MTMR8: variants seen among roughly 807,000 people sequenced by gnomAD.
MTMR8 encodes the protein myotubularin related protein 8, also known as phosphatidylinositol-3,5-bisphosphate 3-phosphatase MTMR8.
MTMR8 carries 65 observed loss-of-function variants against 39.3 expected under a neutral mutation model. That is an observed-to-expected ratio of 1.65 (90% confidence interval 1.35 to 2.03). The LOEUF is 2.03. Ranked by LOEUF, MTMR8 falls within the 30% of genes most tolerant of loss-of-function variation. The pLI is 0.00. For missense variants in MTMR8, 777 were observed against 538.9 expected, an observed-to-expected ratio of 1.44 and a Z score of -4.37; for synonymous variants, 245 against 185.2, an observed-to-expected ratio of 1.32 and a Z score of -2.62.
At chrX:64,337,623 G>A (rs1344957725) in intron 8 of MTMR8, among the ~76,000 whole-genome samples, 1 of 111,648 alleles carries the variant, frequency 9.0e-6, no homozygotes, top group African/African-American at 3.3e-5. Flanking sequence ...AACCCATAAT[G>A]CAGGGCAAAA....
At chrX:64,381,237 C>G (rs1303048330) in intron 1 of MTMR8, among the ~76,000 whole-genome samples, 1 of 111,598 alleles carries the variant, frequency 9.0e-6, no homozygotes, top group Admixed American at 9.5e-5. Context: ...CCTATTTCTC[C>G]ACATCCTCTC....
At chrX:64,279,707 G>A (rs1017093917) in intron 12 of MTMR8, among the ~76,000 whole-genome samples, 2 of 111,632 alleles carry the variant, frequency 1.8e-5, no homozygotes, top group African/African-American at 6.5e-5. Context: ...CAAAGTTGGA[G>A]GTCACACACT....
In MTMR8 at chrX:64,284,896, C is replaced by A. The variant is rs1366027935; in HGVS notation, c.1482-13823G>T. 4.5e-5 allele frequency among the ~76,000 whole-genome samples: 5 copies of A among 112,148 alleles called. No homozygotes were observed. The East Asian group carries it at 1.4e-3, about 31-fold the overall frequency. On this transcript the variant is annotated intron_variant, in intron 12 of 13. Transcript: ENST00000374852. Reference sequence around the variant, plus strand: ...GGCTAAATCGTAAAGACCATCGAAGCTAGGAAGAAACTGAATCAACTAATG... The same window carrying A: ...GGCTAAATCGTAAAGACCATCGAAGATAGGAAGAAACTGAATCAACTAATG...
At chrX:64,355,188 T>TA (rs1923591535) in intron 3 of MTMR8, among the ~76,000 whole-genome samples, 2 of 111,799 alleles carry the variant, frequency 1.8e-5, no homozygotes, top group African/African-American at 3.2e-5. Context: ...TGGCTTCCTA[T>TA]AAAAAAAGAA....
At chrX:64,366,868 TAAA>T (rs1320505797) in intron 1 of MTMR8, among the ~76,000 whole-genome samples, 1 of 111,154 alleles carries the variant, frequency 9.0e-6, no homozygotes, top group Non-Finnish European at 1.9e-5. Flanking sequence ...GCAAGACTAA[TAAA>T]GAAGAAGAGA....
At chrX:64,281,676 G>T (rs1045443816) in intron 12 of MTMR8, among the ~76,000 whole-genome samples, 1 of 111,527 alleles carries the variant, frequency 9.0e-6, no homozygotes, top group Non-Finnish European at 1.9e-5. Flanking sequence ...AAAAGCAGTT[G>T]CAACAAAAGC....
chrX:64,292,989 C>T (rs1921451178), intron 12 of MTMR8, among the ~76,000 whole-genome samples: 2 of 110,885 alleles, frequency 1.8e-5, no homozygotes, highest in African/African-American at 6.6e-5. Flanking sequence ...TATACTAGGC[C>T]TTATAAAGGC....
At chrX:64,345,368 C>T (rs1923323631) in intron 6 of MTMR8, among the ~76,000 whole-genome samples, 191 bp from the exon 7 acceptor site, 1 of 111,568 alleles carries the variant, frequency 9.0e-6, no homozygotes, top group Admixed American at 9.5e-5. Context: ...GTAACAGACT[C>T]ATATAGGGGA....
At chrX:64,319,414 C>T (rs923319976) in intron 12 of MTMR8, among the ~76,000 whole-genome samples, 6 of 112,110 alleles carry the variant, frequency 5.4e-5, no homozygotes, top group Admixed American at 9.4e-5. Flanking sequence ...TTAATTAGAT[C>T]CCATTTGTCA....
At chrX:64,369,387 G>A (rs776775684) in intron 1 of MTMR8, among the ~76,000 whole-genome samples, 138 of 111,867 alleles carry the variant, frequency 1.2e-3, no homozygotes, top group African/African-American at 4.3e-3. Context: ...ATGATAGACG[G>A]GATTAAGAAA....
chrX:64,329,230 G>A (rs750406593), intron 11 of MTMR8, among the ~76,000 whole-genome samples: 39 of 111,374 alleles, frequency 3.5e-4, no homozygotes, highest in African/African-American at 1.2e-3. Flanking sequence ...TTTCCTCACC[G>A]TTAAATGTGA....
chrX:64,269,878 T>C (rs1189783443), intron 13 of MTMR8, among the ~76,000 whole-genome samples: 1 of 111,885 alleles, frequency 8.9e-6, no homozygotes, highest in East Asian at 2.8e-4. Context: ...ATAACACACA[T>C]ACATAAAAAC....
intron 1 of MTMR8, among the ~76,000 whole-genome samples, chrX:64,375,117 T>A (rs1924235486): frequency 9.2e-6 from 1 of 109,256 alleles, no homozygotes; most frequent in African/African-American, 3.3e-5. Flanking sequence ...CCCAGCACTT[T>A]TGGGAGGCCA....
chrX:64,359,255 G>T, intron 2 of MTMR8, 150 bp downstream of exon 2: 1 of 477,488 alleles, frequency 2.1e-6, no homozygotes, highest in Non-Finnish European at 3.0e-6. Flanking sequence ...ATACAATTCA[G>T]ACCATAAAAA....
intron 1 of MTMR8, among the ~76,000 whole-genome samples, chrX:64,365,961 T>C (rs1923941934): frequency 9.0e-6 from 1 of 111,635 alleles, no homozygotes; most frequent in Non-Finnish European, 1.9e-5. Context: ...GTTACAATCC[T>C]AGTCTCTGAT....
At chrX:64,295,664 C>A (rs1270790355) in intron 12 of MTMR8, among the ~76,000 whole-genome samples, 3 of 111,578 alleles carry the variant, frequency 2.7e-5, no homozygotes, top group Admixed American at 9.6e-5. Flanking sequence ...ATAGATATTT[C>A]TCCAAAGAAG....
At chrX:64,356,121 T>G (rs1485347238) in intron 3 of MTMR8, 55 bp downstream of exon 3, 6 of 1,119,307 alleles carry the variant, frequency 5.4e-6, no homozygotes, top group Admixed American at 5.1e-5. Flanking sequence ...CTTTCCATTA[T>G]GCCATTTTGG....
At chrX:64,381,567 T>G (rs769800515) in intron 1 of MTMR8, among the ~76,000 whole-genome samples, 1 of 110,261 alleles carries the variant, frequency 9.1e-6, no homozygotes, top group South Asian at 4.0e-4. Flanking sequence ...CTGTTCTCTC[T>G]GATGGTAGTT....
intron 12 of MTMR8, among the ~76,000 whole-genome samples, chrX:64,286,292 A>G (rs1462415300): frequency 2.7e-5 from 3 of 110,504 alleles, no homozygotes; most frequent in Non-Finnish European, 5.7e-5. Context: ...GTTGACCAAT[A>G]ACAGACTCTG....
Sources: allele counts gnomAD v4.1 joint callset (sites outside exome capture counted in the v4.1 genomes callset), GRCh38; gene constraint gnomAD v4.1.1; transcripts MANE v1.5; gene names NCBI Gene and HGNC (gene_info 2026-07-23, HGNC 2026-07-21).